Variants in CXCL13 observed in about 807,000 individuals in gnomAD.
CXCL13 encodes the protein C-X-C motif chemokine 13.
In CXCL13, 7 loss-of-function variants were observed where a neutral mutation model predicts 12.2. The ratio of observed to expected loss-of-function variants is 0.57; its 90% confidence interval spans 0.33 to 1.07. The LOEUF (loss-of-function observed/expected upper bound fraction) is 1.07. CXCL13 is among the 50% of genes least tolerant of loss of function. The pLI, the probability that CXCL13 is intolerant of heterozygous loss-of-function variation, is 0.04. For missense variants in CXCL13, 113 were observed against 127.4 expected, an observed-to-expected ratio of 0.89 and a Z score of 0.55; for synonymous variants, 47 against 42.4, an observed-to-expected ratio of 1.11 and a Z score of -0.42.
At chr4:77,542,574 T>G (rs774307864) in intron 1 of CXCL13, among the ~76,000 whole-genome samples, 2 of 152,122 alleles carry the variant, frequency 1.3e-5, no homozygotes, top group Non-Finnish European at 2.9e-5. Flanking sequence ...ATACTGGGGA[T>G]TACAATTCTA....
intron 1 of CXCL13, among the ~76,000 whole-genome samples, chr4:77,592,145 T>C (rs1454286031): frequency 2.6e-5 from 4 of 152,218 alleles, no homozygotes; most frequent in Non-Finnish European, 5.9e-5. Context: ...CCCATGTTTA[T>C]TGTAGTTTTA....
intron 1 of CXCL13, among the ~76,000 whole-genome samples, chr4:77,537,453 A>G (rs1003831048): frequency 7.9e-5 from 12 of 152,204 alleles, no homozygotes; most frequent in African/African-American, 2.4e-4. Flanking sequence ...AGAGAGAACA[A>G]AAGTGGTTAT....
At chr4:77,597,419 G>T (rs773907676) in intron 1 of CXCL13, among the ~76,000 whole-genome samples, 1 of 151,898 alleles carries the variant, frequency 6.6e-6, no homozygotes, top group Non-Finnish European at 1.5e-5. Flanking sequence ...CATTCTTTTG[G>T]CAAGGAGCTT....
At chr4:77,549,529 G>T (rs537125048) in intron 1 of CXCL13, among the ~76,000 whole-genome samples, 1 of 152,290 alleles carries the variant, frequency 6.6e-6, no homozygotes, top group African/African-American at 2.4e-5. Flanking sequence ...TGGTGTGGAT[G>T]TTCTTTTGTT....
At chr4:77,607,119 T>A (rs1292898977) in intron 1 of CXCL13, among the ~76,000 whole-genome samples, 1 of 152,170 alleles carries the variant, frequency 6.6e-6, no homozygotes, top group Non-Finnish European at 1.5e-5. Context: ...TCCAGCATGT[T>A]ATTGCTCCCA....
rs1267508352 is a variant in CXCL13 at position 77,610,600 on chromosome 4, T to C, written c.198-14T>C. The C allele has an allele frequency of 6.3e-7, 1 of 1,592,396 alleles. No individual in the cohort carries two copies. The highest frequency in any genetic ancestry group is 8.6e-7 in the Non-Finnish European group (1 of 1,160,296). On this transcript the variant is annotated splice_polypyrimidine_tract_variant and intron_variant, in intron 2 of 3. Coordinates refer to ENST00000682537, the MANE Select transcript of CXCL13 (RefSeq NM_001371558.1). ...AATGTAAGACTGAATTATTTAATTT[T>C]TATTTTCCCCCAGAGTCTGGAAGAA...
chr4:77,530,057 T>C (rs1268302598), intron 1 of CXCL13, among the ~76,000 whole-genome samples: 2 of 152,246 alleles, frequency 1.3e-5, no homozygotes, highest in Non-Finnish European at 2.9e-5. Context: ...TCATTGGTTC[T>C]TTTTATATGC....
chr4:77,515,523 A>G lies in CXCL13; in HGVS notation c.-43+3735A>G, dbSNP rs1432542317. The stretch of plus-strand genomic sequence containing the variant: ...AGTTCTCCTTGAGGAGGTCCTTCAC[A>G]TCCCTTATAAGGTGGATTCCTAGGT... On this transcript the variant is annotated intron_variant, in intron 1 of 4. Coordinates refer to the CXCL13 transcript ENST00000286758. 2.6e-5 allele frequency among the ~76,000 whole-genome samples: 4 copies of G among 152,200 alleles called. 1 individual carries two copies. The highest frequency in any genetic ancestry group is 9.6e-5 in the African/African-American group (4 of 41,452).
chr4:77,557,034 A>AAGAG (rs145165710), intron 1 of CXCL13, among the ~76,000 whole-genome samples: 1 of 151,596 alleles, frequency 6.6e-6, no homozygotes, highest in Non-Finnish European at 1.5e-5. Flanking sequence ...TAAAAAATAA[A>AAGAG]AGAGAGAGAG....
intron 1 of CXCL13, among the ~76,000 whole-genome samples, chr4:77,516,347 T>C (rs1229488350): frequency 3.9e-5 from 6 of 152,206 alleles, no homozygotes; most frequent in Non-Finnish European, 8.8e-5. Flanking sequence ...GGATTCCCTC[T>C]TTTTCTATTG....
At chr4:77,547,156 C>G (rs1725386878) in intron 1 of CXCL13, among the ~76,000 whole-genome samples, 1 of 152,198 alleles carries the variant, frequency 6.6e-6, no homozygotes, top group African/African-American at 2.4e-5. Context: ...TGCTTTACTT[C>G]CACCTATGTG....
intron 2 of CXCL13, among the ~76,000 whole-genome samples, chr4:77,608,950 CT>C (rs1471797015): frequency 6.6e-6 from 1 of 152,206 alleles, no homozygotes; most frequent in African/African-American, 2.4e-5. Context: ...TCTGCTTTAA[CT>C]TTGATTGTTT....
At chr4:77,576,167 T>C in intron 1 of CXCL13, among the ~76,000 whole-genome samples, 1 of 149,810 alleles carries the variant, frequency 6.7e-6, no homozygotes, top group South Asian at 2.1e-4. Context: ...TGTACAGGAC[T>C]CATGAAGAGC....
chr4:77,607,587 C>T, intron 1 of CXCL13, 116 bp from the exon 2 acceptor site: 4 of 880,444 alleles, frequency 4.5e-6, no homozygotes, highest in Non-Finnish European at 7.0e-6. Flanking sequence ...TGGGTGGAAG[C>T]ACTGACTTGA....
intron 1 of CXCL13, among the ~76,000 whole-genome samples, chr4:77,589,541 G>GTTAT (rs565946970): frequency 4.3e-4 from 65 of 151,488 alleles, no homozygotes; most frequent in African/African-American, 3.2e-4. Flanking sequence ...ATTGTAGGCA[G>GTTAT]GTATGTATGT....
At chr4:77,543,959 C>T (rs1318654363) in intron 1 of CXCL13, among the ~76,000 whole-genome samples, 3 of 152,102 alleles carry the variant, frequency 2.0e-5, no homozygotes, top group Non-Finnish European at 2.9e-5. Flanking sequence ...CAAATGTTCT[C>T]ATTGTTTAAT....
Position 77,611,034 on chromosome 4 carries a change from C to T in CXCL13, c.325C>T (p.Pro109Ser). 2 of 1,609,788 alleles carry T rather than the reference C, an allele frequency of 1.2e-6. No homozygotes were observed. Among genetic ancestry groups the T allele is most frequent in the East Asian group, 2.2e-5 (1 of 44,874 alleles). The change falls in exon 4 of 4, where the codon CCC becomes TCC. Residue 109 changes from proline (P) to serine (S), a missense_variant. Transcript: ENST00000682537. ...LPVPVFKRKIP is the reference protein window; with the variant it reads ...LPVPVFKRKIS The stretch of plus-strand genomic sequence containing the variant: ...AGTTCCAGTGTTTAAGAGAAAGATT[C>T]CCTGATGCTGATATTTCCACTAAGA...
Position 77,541,956 on chromosome 4 carries a change from G to T in CXCL13, c.-43+30168G>T, listed in dbSNP as rs184166383. 1.0e-3 allele frequency among the ~76,000 whole-genome samples: 154 copies of T among 151,782 alleles called. No individual in the cohort carries two copies. The East Asian group carries it at 0.022, about 21-fold the overall frequency. On this transcript the variant is annotated intron_variant, in intron 1 of 4. Coordinates refer to the CXCL13 transcript ENST00000286758. ...ACTTGGTTAGATTATTCCTAGGTGGGTTTTTTTGTGGCTATTGTGAATGGG... is the reference window on the plus strand; with the variant it reads ...ACTTGGTTAGATTATTCCTAGGTGGTTTTTTTTGTGGCTATTGTGAATGGG...
chr4:77,565,839 AG>A (rs1251490133), intron 1 of CXCL13, among the ~76,000 whole-genome samples: 1 of 152,256 alleles, frequency 6.6e-6, no homozygotes, highest in African/African-American at 2.4e-5. Flanking sequence ...AATGGCAGCC[AG>A]GTTTGGCCTT....
Sources: gnomAD v4.1 joint callset for allele counts (sites outside exome capture counted in the v4.1 genomes callset) on GRCh38, gnomAD v4.1.1 for gene constraint, MANE v1.5 for transcripts, NCBI Gene and HGNC (gene_info 2026-07-23, HGNC 2026-07-21) for gene names.